The following KCNQ4 variants were observed in gnomAD, a reference collection of about 807,000 sequenced individuals.
KCNQ4 encodes the protein potassium voltage-gated channel subfamily KQT member 4.
Under a neutral mutation model 72.6 loss-of-function variants are expected in KCNQ4, and 31 were observed. That is an observed-to-expected ratio of 0.43 (90% confidence interval 0.32 to 0.58). The LOEUF is 0.58. Among genes scored for constraint, KCNQ4 ranks in the 20% least tolerant of loss-of-function variants. The pLI, the probability that KCNQ4 is intolerant of heterozygous loss-of-function variation, is 0.08. For synonymous variants in KCNQ4, 405 were observed against 403.7 expected (o/e 1.00, Z -0.04); for missense variants, 869 against 962.6 (o/e 0.90, Z 1.29).
intron 1 of KCNQ4, among the ~76,000 whole-genome samples, chr1:40,796,915 C>CAAATAAATAAATAAATAAAT (rs3070277): frequency 1.4e-5 from 2 of 147,266 alleles, no homozygotes; most frequent in African/African-American, 2.5e-5. Context: ...GAGACTCCAT[C>CAAATAAATAAATAAATAAAT]AAATAAATAA....
chr1:40,798,577 T>C (rs1647481971), intron 1 of KCNQ4, among the ~76,000 whole-genome samples: 1 of 152,250 alleles, frequency 6.6e-6, no homozygotes, highest in Admixed American at 6.5e-5. Context: ...CCCAAGGTCA[T>C]TCAGCTGAGA....
Position 40,831,261 on chromosome 1 carries a change from C to T in KCNQ4, c.1470C>T (p.Arg490=). ...QKSWSFNDRT[R]FRASLRLKPR... is the part of the protein sequence containing the mutation. ...GCTGGAGCTTCAATGACCGCACCCG[C>T]TTCCGGGCATCTCTGAGACTCAAAC... Residue 490 remains arginine (R), a synonymous_variant, in exon 10 of 14, where the codon CGC becomes CGT. Transcript: ENST00000347132. The T allele has an allele frequency of 6.2e-7, 1 of 1,607,484 alleles. No individual in the cohort carries two copies. The highest frequency in any genetic ancestry group is 1.1e-5 in the South Asian group (1 of 89,620).
rs1648935763 is a variant in KCNQ4, at chr1:40,840,198, A to C, written c.*1675A>C. The C allele has an allele frequency of 6.6e-6, 1 of 152,264 alleles. No homozygotes were observed. Among genetic ancestry groups the C allele is most frequent in the Non-Finnish European group, 1.5e-5 (1 of 68,204 alleles). 9.4% of individuals were successfully genotyped at this position (152,264 alleles called of 1,614,324 possible). On this transcript the variant is annotated 3_prime_UTR_variant, in exon 14 of 14. Coordinates refer to ENST00000347132, the MANE Select transcript of KCNQ4 (RefSeq NM_004700.4). ...AACATGCCCTCTGCATGTGACCGTC[A>C]TGCCCTGGATGGAGCCACTCCTGGC...
rs1202817503 is a variant in KCNQ4 at position 40,837,627 on chromosome 1, C to T, written c.1746-38C>T. 2.5e-6 allele frequency: 4 copies of T among 1,598,708 alleles called. No homozygotes were observed. In the East Asian group the frequency reaches 6.7e-5, roughly 27 times the overall value. On this transcript the variant is annotated intron_variant, in intron 12 of 13. Transcript: ENST00000347132. ...TAATTCTTGTGGAAGGGAGGGACGG[C>T]GTGTCCCCGGGCCCTCTGATGGTTC...
Position 40,818,300 on chromosome 1 carries a change from C to A in KCNQ4, c.532+10C>A, listed in dbSNP as rs770153251. On this transcript the variant is annotated intron_variant, in intron 3 of 13. Coordinates refer to ENST00000347132, the MANE Select transcript of KCNQ4 (RefSeq NM_004700.4). ...CCCTTCTGTGTCATCGGTAATGAGG[C>A]GCGCCCCGCCCGACCTGACCCCTGA... is the stretch of plus-strand genomic sequence containing the variant. 4.3e-6 allele frequency: 7 copies of A among 1,613,322 alleles called. No homozygotes were observed. In the African/African-American group the frequency reaches 6.7e-5, roughly 15 times the overall value.
At chr1:40,792,690 A>G (rs959509275) in intron 1 of KCNQ4, among the ~76,000 whole-genome samples, 8 of 152,138 alleles carry the variant, frequency 5.3e-5, no homozygotes, top group African/African-American at 1.7e-4. Flanking sequence ...GGGACGGGGA[A>G]AGGACAGTGT....
At chr1:40,824,427 C>T (rs1029033892) in intron 9 of KCNQ4, among the ~76,000 whole-genome samples, 169 bp downstream of exon 9, 1 of 152,238 alleles carries the variant, frequency 6.6e-6, no homozygotes, top group Non-Finnish European at 1.5e-5. Flanking sequence ...GAGGGCCTCT[C>T]TGGAGGGGTC....
At chr1:40,804,835 A>AT (rs2148306431) in intron 1 of KCNQ4, 1 of 156,178 alleles carries the variant, frequency 6.4e-6, no homozygotes, top group African/African-American at 2.4e-5. Flanking sequence ...AAAAAAAAAA[A>AT]AAGTCACACA....
chr1:40,805,430 A>T (rs1206817942), intron 1 of KCNQ4, among the ~76,000 whole-genome samples: 2 of 151,534 alleles, frequency 1.3e-5, no homozygotes, highest in African/African-American at 4.9e-5. Flanking sequence ...CTCACCCCCC[A>T]CCACTCTCCC....
chr1:40,810,512 A>G (rs1647903921), intron 1 of KCNQ4, among the ~76,000 whole-genome samples: 1 of 152,146 alleles, frequency 6.6e-6, no homozygotes, highest in South Asian at 2.1e-4. Context: ...AATATAGCCC[A>G]GAGAGGTCAG....
intron 2 of KCNQ4, 33 bp from the exon 3 acceptor site, chr1:40,818,131 T>G: frequency 6.2e-7 from 1 of 1,613,728 alleles, no homozygotes. Context: ...TTCTGGAGAC[T>G]GAGGACCAGA....
chr1:40,818,526 C>T lies in KCNQ4; in HGVS notation c.554C>T (p.Ser185Leu), dbSNP rs1245620722. Residue 185 changes from serine to leucine, a missense_variant, in exon 4 of 14, where the codon TCG becomes TTG. Physicochemically the swap from Ser to Leu is moderately radical, Grantham distance 145 (BLOSUM62 -2). Around this residue, in one of 5 missense-constraint regions of KCNQ4, gnomAD observed 179 missense variants for 243.0 expected, o/e 0.74. Coordinates refer to ENST00000347132, the MANE Select transcript of KCNQ4 (RefSeq NM_004700.4). ...CVIDFIVFVA[S>L]VAVIAAGTQG... ...GCAGACTTCATCGTGTTCGTGGCCT[C>T]GGTGGCCGTCATCGCCGCGGGTACC... is the stretch of plus-strand genomic sequence containing the variant. 3 of 1,602,062 alleles carry T rather than the reference C, an allele frequency of 1.9e-6. No individual in the cohort carries two copies. The highest frequency in any genetic ancestry group is 2.5e-6 in the Non-Finnish European group (3 of 1,179,864).
chr1:40,831,391 G>T (rs1570848646), intron 10 of KCNQ4, 87 bp downstream of exon 10: 1 of 1,132,976 alleles, frequency 8.8e-7, no homozygotes, highest in Admixed American at 2.1e-5. Flanking sequence ...GAAAGATCTG[G>T]CTCGCGTCTC....
chr1:40,823,665 G>A (rs1399458255), intron 8 of KCNQ4, among the ~76,000 whole-genome samples: 2 of 152,208 alleles, frequency 1.3e-5, no homozygotes, highest in African/African-American at 4.8e-5. Context: ...CCAGTGGCAA[G>A]AGTGAGTGCT....
chr1:40,803,148 T>TAA (rs1342397505), intron 1 of KCNQ4, among the ~76,000 whole-genome samples: 6 of 152,262 alleles, frequency 3.9e-5, no homozygotes, highest in African/African-American at 1.4e-4. Context: ...AAATGAAATG[T>TAA]AAAAGACCCT....
intron 8 of KCNQ4, among the ~76,000 whole-genome samples, chr1:40,823,871 G>A (rs1648389139): frequency 6.6e-6 from 1 of 152,224 alleles, no homozygotes; most frequent in African/African-American, 2.4e-5. Context: ...CTTGAGCTGT[G>A]CCAGCCTTCA....
At chr1:40,827,486 A>G (rs938918370) in intron 9 of KCNQ4, among the ~76,000 whole-genome samples, 14 of 152,152 alleles carry the variant, frequency 9.2e-5, no homozygotes, top group Non-Finnish European at 1.6e-4. Flanking sequence ...GAGACTGGAC[A>G]TCAGAGCGAA....
rs748361193 is a variant in KCNQ4 at position 40,824,241 on chromosome 1, C to T, written c.1275C>T (p.Ser425=). 6 of 1,608,888 alleles carry T rather than the reference C, an allele frequency of 3.7e-6. No homozygotes were observed. The Admixed American group carries it at 5.0e-5, about 13-fold the overall frequency. Residue 425 remains serine (S), a synonymous_variant, in exon 9 of 14, where the codon TCC becomes TCT. Transcript: ENST00000347132. The stretch of plus-strand genomic sequence containing the variant: ...CCTGCCACCGGCCGGGCAGCACCTC[C>T]TTCTGCCCTGGGGAAAGGTAGGGGC... ...VATCHRPGST[S]FCPGESSRMG...
At chr1:40,819,761 G>A in intron 5 of KCNQ4, 114 bp from the exon 6 acceptor site, 1 of 909,572 alleles carries the variant, frequency 1.1e-6, no homozygotes, top group Non-Finnish European at 1.9e-6. Flanking sequence ...ACCAGCCCCC[G>A]TGGGTGACCA....
Sources: allele counts gnomAD v4.1 joint callset (sites outside exome capture counted in the v4.1 genomes callset), GRCh38; gene constraint gnomAD v4.1.1; regional missense constraint gnomAD v4.1.1; transcripts MANE v1.5; gene names NCBI Gene and HGNC (gene_info 2026-07-23, HGNC 2026-07-21).